Variants in ANKRD13D observed in about 807,000 individuals in gnomAD.
ANKRD13D encodes the protein ankyrin repeat domain 13D.
In ANKRD13D, 24 loss-of-function variants were observed where a neutral mutation model predicts 68.8. The ratio of observed to expected loss-of-function variants is 0.35; its 90% CI spans 0.25 to 0.49. The LOEUF (loss-of-function observed/expected upper bound fraction) is 0.49, where lower values mean the gene tolerates loss of function less well. Among genes scored for constraint, ANKRD13D ranks in the 20% least tolerant of loss-of-function variants. ANKRD13D has a pLI of 0.99. For missense variants in ANKRD13D, 735 were observed against 832.1 expected (o/e 0.88, Z 1.44); for synonymous variants, 331 against 336.1 (o/e 0.98, Z 0.16).
Position 67,299,291 on chromosome 11 carries a change from C to A in ANKRD13D, c.798+167C>A. ...CCCCTGCGGAGTACACAGGGCTCAC[C>A]CACATCATGGGCCCCTACCCAGGGT... On this transcript the variant is annotated intron_variant, in intron 7 of 14. Transcript: ENST00000511455. The surrounding 1 kb of genome is among the most constrained non-coding windows in gnomAD (Gnocchi z 6.2). 1.2e-6 allele frequency: 1 copy of A among 809,328 alleles called. No homozygotes were observed. 50.1% of individuals were successfully genotyped at this position (809,328 alleles called of 1,614,324 possible).
Position 67,301,499 on chromosome 11 carries a change from C to G in ANKRD13D, c.1360C>G (p.Pro454Ala). 1 of 1,612,662 alleles carries G rather than the reference C, an allele frequency of 6.2e-7. No individual in the cohort carries two copies. Among genetic ancestry groups the G allele is most frequent in the Non-Finnish European group, 8.5e-7 (1 of 1,179,616 alleles). Residue 454 changes from proline (P) to alanine (A), a missense_variant, in exon 13 of 15, where the codon CCG (proline) becomes GCG (alanine). Physicochemically the swap from Pro to Ala is conservative, Grantham distance 27. Coordinates refer to ENST00000511455, the MANE Select transcript of ANKRD13D (RefSeq NM_207354.3). This position sits in a 1 kb window ranked among gnomAD's most constrained non-coding sequence, Gnocchi z 4.5. ...TGCCACCTGCCTAGGGAACCCTTTC[C>G]CGTGCGAGGTGGACCCCACCGTGTT... Reference protein sequence around the residue: ...SAVAASGNPFPCEVDPTVFEV... With the variant: ...SAVAASGNPFACEVDPTVFEV...
At position 67,299,969 on chromosome 11, in the gene ANKRD13D, G is replaced by T. The variant is rs765757097; in HGVS notation, c.943-24G>T. The T allele has an allele frequency of 6.2e-7, 1 of 1,601,044 alleles. No individual in the cohort carries two copies. The highest frequency in any genetic ancestry group is 1.1e-5 in the South Asian group (1 of 90,022). On this transcript the variant is annotated intron_variant, in intron 9 of 14. Transcript: ENST00000511455. The surrounding 1 kb of genome is among the most constrained non-coding windows in gnomAD (Gnocchi z 6.2). ...GGCACCCTCTGTCACCTTGATGGCT[G>T]AGTCCGCCCTGGGACCCACGCAGGC... is the stretch of plus-strand genomic sequence containing the variant.
intron 6 of ANKRD13D, among the ~76,000 whole-genome samples, chr11:67,297,116 A>G (rs1445734830): frequency 6.6e-6 from 1 of 151,570 alleles, no homozygotes; most frequent in Non-Finnish European, 1.5e-5. Flanking sequence ...CTCTTTTTCC[A>G]TTGTCTTAAC....
In ANKRD13D at chr11:67,300,915, C is replaced by A; in HGVS notation, c.1074-75C>A. 6.4e-7 allele frequency: 1 copy of A among 1,562,932 alleles called. No individual in the cohort carries two copies. Among genetic ancestry groups the A allele is most frequent in the South Asian group, 1.2e-5 (1 of 85,664 alleles). The stretch of plus-strand genomic sequence containing the variant: ...CAGAAGGTGGGTAAAGGCAGCTGCC[C>A]ACGAACCAGAGGGCAGTCCTCAATG... On this transcript the variant is annotated intron_variant, in intron 10 of 14. Transcript: ENST00000511455. This position sits in a 1 kb window ranked among gnomAD's most constrained non-coding sequence, Gnocchi z 4.3.
chr11:67,299,252 G>A lies in ANKRD13D; in HGVS notation c.798+128G>A. On this transcript the variant is annotated intron_variant, in intron 7 of 14. Coordinates refer to ENST00000511455, the MANE Select transcript of ANKRD13D (RefSeq NM_207354.3). The surrounding 1 kb of genome is among the most constrained non-coding windows in gnomAD (Gnocchi z 6.2). ...CTGAGCATTTGTGGGAACTCAGCGG[G>A]CCTGAGTGCCCAGCCCCTGCGGAGT... is the stretch of plus-strand genomic sequence containing the variant. 8.7e-7 allele frequency: 1 copy of A among 1,155,052 alleles called. No homozygotes were observed. The highest frequency in any genetic ancestry group is 1.3e-6 in the Non-Finnish European group (1 of 790,178). 71.6% of individuals were successfully genotyped at this position (1,155,052 alleles called of 1,614,324 possible).
chr11:67,290,605 A>G, intron 3 of ANKRD13D, 159 bp downstream of exon 3: 1 of 1,182,742 alleles, frequency 8.5e-7, no homozygotes, highest in Non-Finnish European at 1.2e-6. Context: ...AGGGTCACGT[A>G]GGAAAGAGAG....
At chr11:67,289,634 C>CCG in intron 1 of ANKRD13D, 84 bp downstream of exon 1, 1 of 811,562 alleles carries the variant, frequency 1.2e-6, no homozygotes, top group Non-Finnish European at 1.7e-6. Flanking sequence ...CCCCCCCCCC[C>CCG]CCCGCCCGCT....
intron 1 of ANKRD13D, 47 bp downstream of exon 1, chr11:67,289,597 C>T: frequency 6.8e-7 from 1 of 1,468,360 alleles, no homozygotes; most frequent in Non-Finnish European, 9.0e-7. Context: ...GTCCCCCACC[C>T]AAGGCTGTGG....
At chr11:67,290,047 C>T in intron 1 of ANKRD13D, 31 bp from the exon 2 acceptor site, 4 of 1,531,758 alleles carry the variant, frequency 2.6e-6, no homozygotes, top group Non-Finnish European at 3.5e-6. Flanking sequence ...CTCTTCTCTC[C>T]TGCCCTTTGT....
chr11:67,290,699 C>T (rs1218214967), intron 3 of ANKRD13D: 4 of 470,414 alleles, frequency 8.5e-6, no homozygotes, highest in South Asian at 6.9e-5. Context: ...TGCAGATTAC[C>T]TGGAGCAGGG....
rs567914768 is a variant in ANKRD13D, at chr11:67,300,895, G to A, written c.1074-95G>A. 4.1e-6 allele frequency: 6 copies of A among 1,473,526 alleles called. No homozygotes were observed. The Admixed American group carries it at 1.2e-4, about 29-fold the overall frequency. The allele number at this position is 1,473,526 out of a possible 1,614,324, so 91.3% of individuals were successfully genotyped here. ...GCAGGGCACTCCAGGCCAGGCAGAA[G>A]GTGGGTAAAGGCAGCTGCCCACGAA... is the stretch of plus-strand genomic sequence containing the variant. On this transcript the variant is annotated intron_variant, in intron 10 of 14. Coordinates refer to ENST00000511455, the MANE Select transcript of ANKRD13D (RefSeq NM_207354.3). The surrounding 1 kb of genome is among the most constrained non-coding windows in gnomAD (Gnocchi z 4.3).
intron 1 of ANKRD13D, 199 bp from the exon 2 acceptor site, chr11:67,289,879 G>T: frequency 7.0e-7 from 1 of 1,430,780 alleles, no homozygotes; most frequent in South Asian, 1.5e-5. Context: ...AGGCCCCGCC[G>T]CCAGACCCCG....
rs371176368 is a variant in ANKRD13D at position 67,299,029 on chromosome 11, C to G, written c.732-29C>G. On this transcript the variant is annotated intron_variant, in intron 6 of 14. Transcript: ENST00000511455. This position sits in a 1 kb window ranked among gnomAD's most constrained non-coding sequence, Gnocchi z 6.2. ...TTGGCCAGCGTGTGAGGGTGCAGGT[C>G]TCACCAGCTCCTGTTTGGTCTGTTT... is the stretch of plus-strand genomic sequence containing the variant. The G allele has an allele frequency of 6.2e-7, 1 of 1,613,278 alleles. No homozygotes were observed. The highest frequency in any genetic ancestry group is 8.5e-7 in the Non-Finnish European group (1 of 1,179,340).
rs753898914 is a variant in ANKRD13D at position 67,301,050 on chromosome 11, C to A, written c.1134C>A (p.Thr378=). Residue 378 remains threonine (T), a synonymous_variant, in exon 11 of 15, where the codon ACC becomes ACA. Coordinates refer to ENST00000511455, the MANE Select transcript of ANKRD13D (RefSeq NM_207354.3). The surrounding 1 kb of genome is among the most constrained non-coding windows in gnomAD (Gnocchi z 4.5). ...CGCTCTCCCTGGGTGACCAGGTGAC[C>A]CCCATCATCGACCTAATGGCCATCA... The part of the protein sequence containing the change: ...EHPLSLGDQV[T]PIIDLMAISN... 3.7e-6 allele frequency: 6 copies of A among 1,613,998 alleles called. No individual in the cohort carries two copies. The highest frequency in any genetic ancestry group is 4.2e-6 in the Non-Finnish European group (5 of 1,180,030).
intron 6 of ANKRD13D, 115 bp from the exon 7 acceptor site, chr11:67,298,943 G>A: frequency 3.9e-6 from 4 of 1,029,400 alleles, no homozygotes; most frequent in Non-Finnish European, 6.2e-6. Context: ...TAGCGAGAAG[G>A]GGCCCTGAGA....
intron 6 of ANKRD13D, among the ~76,000 whole-genome samples, chr11:67,293,432 T>G (rs1860654850): frequency 6.6e-6 from 1 of 152,252 alleles, no homozygotes; most frequent in Non-Finnish European, 1.5e-5. Context: ...TTTCATGTGC[T>G]TATTGGTCAA....
Position 67,300,179 on chromosome 11 carries a change from C to G in ANKRD13D, c.1073+56C>G, listed in dbSNP as rs963480921. 6.2e-6 allele frequency: 10 copies of G among 1,603,368 alleles called. No homozygotes were observed. In the African/African-American group the frequency reaches 1.3e-4, roughly 21 times the overall value. On this transcript the variant is annotated intron_variant, in intron 10 of 14. Coordinates refer to ENST00000511455, the MANE Select transcript of ANKRD13D (RefSeq NM_207354.3). The surrounding 1 kb of genome is among the most constrained non-coding windows in gnomAD (Gnocchi z 4.3). ...CTCGGGACAAGGGCTCTTGCAGACC[C>G]CTCTCTGGGCCTGTCATAGTTAGGG...
At chr11:67,298,770 G>T in intron 6 of ANKRD13D, 2 of 426,266 alleles carry the variant, frequency 4.7e-6, no homozygotes, top group Non-Finnish European at 8.6e-6. Context: ...TCTAGTAAAT[G>T]CTTCTGCACA....
At chr11:67,297,451 T>TCCC (rs1860794456) in intron 6 of ANKRD13D, among the ~76,000 whole-genome samples, 1 of 151,846 alleles carries the variant, frequency 6.6e-6, no homozygotes, top group South Asian at 2.1e-4. Flanking sequence ...TGTCTCAGCC[T>TCCC]CCCAAAGTGC....
Sources: allele counts gnomAD v4.1 joint callset (sites outside exome capture counted in the v4.1 genomes callset), GRCh38; gene constraint gnomAD v4.1.1; non-coding constraint Gnocchi (gnomAD v3.1); transcripts MANE v1.5; gene names NCBI Gene and HGNC (gene_info 2026-07-23, HGNC 2026-07-21).